The following AGBL4 variants were observed in gnomAD, a reference collection of about 807,000 sequenced individuals.
AGBL4 encodes the protein cytosolic carboxypeptidase 6.
In AGBL4, 58 loss-of-function variants were observed where a neutral mutation model predicts 66.4. The ratio of observed to expected loss-of-function variants is 0.87; its 90% CI spans 0.71 to 1.09. The LOEUF is 1.09. AGBL4 is among the 50% of genes least tolerant of loss of function. The pLI is 0.00. For synonymous variants in AGBL4, 234 were observed against 222.9 expected, an observed-to-expected ratio of 1.05 and a Z score of -0.44; for missense variants, 579 against 631.0, an observed-to-expected ratio of 0.92 and a Z score of 0.88.
chr1:49,844,472 C>CTTCCTTTCCTTA (rs1366300608), intron 2 of AGBL4, among the ~76,000 whole-genome samples: 6 of 152,166 alleles, frequency 3.9e-5, no homozygotes, highest in African/African-American at 1.4e-4. Context: ...GTTCTTTCCT[C>CTTCCTTTCCTTA]TTCCTTTCCT....
chr1:48,559,703 G>A (rs1239656605), intron 11 of AGBL4, among the ~76,000 whole-genome samples: 2 of 151,982 alleles, frequency 1.3e-5, no homozygotes, highest in Admixed American at 6.6e-5. Flanking sequence ...TTAGACCCTC[G>A]AATGTTCTTA....
intron 6 of AGBL4, among the ~76,000 whole-genome samples, chr1:48,721,335 C>T (rs1478919660): frequency 6.6e-6 from 1 of 152,160 alleles, no homozygotes; most frequent in African/African-American, 2.4e-5. Context: ...CACATTTCTG[C>T]TGAGTGCTGG....
chr1:49,418,526 C>T (rs1645476990), intron 3 of AGBL4, among the ~76,000 whole-genome samples: 1 of 152,112 alleles, frequency 6.6e-6, no homozygotes, highest in African/African-American at 2.4e-5. Flanking sequence ...AGTAAAAGAA[C>T]ATGTAACAAC....
At chr1:49,147,796 G>C (rs1017435828) in intron 4 of AGBL4, among the ~76,000 whole-genome samples, 1 of 152,054 alleles carries the variant, frequency 6.6e-6, no homozygotes, top group African/African-American at 2.4e-5. Context: ...GAGCCTATAG[G>C]CTTGAAGGAT....
chr1:49,558,405 C>T (rs1196743542), intron 3 of AGBL4, among the ~76,000 whole-genome samples: 2 of 152,066 alleles, frequency 1.3e-5, no homozygotes, highest in African/African-American at 2.4e-5. Flanking sequence ...TGCAGTGGTG[C>T]GATCTCAGCT....
chr1:48,662,334 C>G (rs931198388), intron 7 of AGBL4, among the ~76,000 whole-genome samples: 14 of 152,208 alleles, frequency 9.2e-5, no homozygotes, highest in African/African-American at 3.1e-4. Context: ...TGAAGTCACA[C>G]TGCTGGAAAG....
Position 48,909,222 on chromosome 1 carries a change from T to C in AGBL4, c.595-41992A>G, listed in dbSNP as rs369771258. On this transcript the variant is annotated intron_variant, in intron 5 of 13. Transcript: ENST00000371839. ...CCAGAATATGTGAAGAGTGTCATTA[T>C]TTTAATGCATATGTTTGTAATGATA... Among the ~76,000 whole-genome samples, 14 of 152,314 alleles carry C rather than the reference T, an allele frequency of 9.2e-5. 1 individual carries two copies. The highest frequency in any genetic ancestry group is 3.4e-4 in the African/African-American group (14 of 41,564).
At chr1:49,571,092 T>A (rs1644320318) in intron 3 of AGBL4, among the ~76,000 whole-genome samples, 1 of 151,328 alleles carries the variant, frequency 6.6e-6, no homozygotes, top group East Asian at 1.9e-4. Flanking sequence ...CCATATGTAT[T>A]TTAGGCCTTT....
intron 3 of AGBL4, among the ~76,000 whole-genome samples, chr1:49,523,344 C>T (rs1016816576): frequency 1.1e-4 from 16 of 152,068 alleles, no homozygotes; most frequent in African/African-American, 3.1e-4. Context: ...ATATGTGTGG[C>T]TCTGGACAAG....
chr1:48,541,980 A>G (rs766471885), intron 11 of AGBL4, among the ~76,000 whole-genome samples: 2 of 151,956 alleles, frequency 1.3e-5, no homozygotes, highest in Admixed American at 1.3e-4. Context: ...TCCTAATGCT[A>G]TCCCTCCCCT....
chr1:49,990,347 C>G (rs1036673389), intron 1 of AGBL4, among the ~76,000 whole-genome samples: 2 of 152,078 alleles, frequency 1.3e-5, no homozygotes, highest in African/African-American at 4.8e-5. Flanking sequence ...CCATGCTGTT[C>G]TCATAATAGT....
At chr1:49,704,627 A>C (rs577015149) in intron 2 of AGBL4, among the ~76,000 whole-genome samples, 293 of 152,290 alleles carry the variant, frequency 1.9e-3, no homozygotes, top group South Asian at 3.3e-3. Flanking sequence ...AAAGGGGTAC[A>C]GTTTCAGTTT....
intron 1 of AGBL4, among the ~76,000 whole-genome samples, chr1:49,925,544 C>T (rs1291115975): frequency 1.3e-5 from 2 of 152,046 alleles, no homozygotes; most frequent in African/African-American, 4.8e-5. Context: ...GTCAGCTTGG[C>T]CAAAGAGGGA....
chr1:49,797,160 C>G (rs964623141), intron 2 of AGBL4, among the ~76,000 whole-genome samples: 5 of 152,068 alleles, frequency 3.3e-5, no homozygotes, highest in African/African-American at 1.2e-4. Context: ...TTAGTAAATC[C>G]TGCCAATTTC....
chr1:49,211,086 G>T (rs1003063972), intron 4 of AGBL4, among the ~76,000 whole-genome samples: 2 of 152,058 alleles, frequency 1.3e-5, no homozygotes, highest in Non-Finnish European at 2.9e-5. Context: ...ATGCAGGCAA[G>T]ATGTCTCTCA....
chr1:49,209,604 G>T (rs354155), intron 4 of AGBL4, among the ~76,000 whole-genome samples: 4 of 152,012 alleles, frequency 2.6e-5, no homozygotes, highest in Non-Finnish European at 4.4e-5. Flanking sequence ...AATGGTGAAG[G>T]CTTGATCAGA....
At chr1:49,789,076 C>T (rs1443631656) in intron 2 of AGBL4, among the ~76,000 whole-genome samples, 1 of 152,078 alleles carries the variant, frequency 6.6e-6, no homozygotes, top group Non-Finnish European at 1.5e-5. Context: ...TATCAAAGGC[C>T]TTTTCTGCAT....
chr1:49,298,072 C>T (rs1353942488), intron 3 of AGBL4, among the ~76,000 whole-genome samples: 2 of 152,198 alleles, frequency 1.3e-5, no homozygotes, highest in Non-Finnish European at 2.9e-5. Context: ...AGCAGTAACA[C>T]ACAGACCTGG....
At chr1:49,129,732 G>C (rs1046683997) in intron 4 of AGBL4, among the ~76,000 whole-genome samples, 11 of 152,116 alleles carry the variant, frequency 7.2e-5, no homozygotes, top group East Asian at 1.9e-4. Context: ...ATTTGGGTTG[G>C]TTCCAAGTCT....
Sources: gnomAD v4.1 joint callset for allele counts (sites outside exome capture counted in the v4.1 genomes callset) on GRCh38, gnomAD v4.1.1 for gene constraint, MANE v1.5 for transcripts, NCBI Gene and HGNC (gene_info 2026-07-23, HGNC 2026-07-21) for gene names.